Variants in ARHGAP31 observed in about 807,000 individuals in gnomAD.
ARHGAP31 encodes rho GTPase-activating protein 31.
In ARHGAP31, 34 loss-of-function variants were observed where a neutral mutation model predicts 113.9. That is an observed-to-expected ratio of 0.30 (90% CI 0.23 to 0.40). ARHGAP31 has a LOEUF of 0.40. Ranked by LOEUF, ARHGAP31 falls within the 10% of genes least tolerant of loss-of-function variation. The pLI is 1.00. For synonymous variants in ARHGAP31, 650 were observed against 684.8 expected (o/e 0.95, Z 0.79); for missense variants, 1,548 against 1,767.1 (o/e 0.88, Z 2.22).
chr3:119,348,458 G>T (rs1341955738), intron 1 of ARHGAP31, among the ~76,000 whole-genome samples: 1 of 152,104 alleles, frequency 6.6e-6, no homozygotes, highest in Non-Finnish European at 1.5e-5. Flanking sequence ...CCACATATTT[G>T]ACAGTAATCC....
chr3:119,372,923 C>G (rs975638045), intron 3 of ARHGAP31, among the ~76,000 whole-genome samples: 4 of 152,102 alleles, frequency 2.6e-5, no homozygotes, highest in Non-Finnish European at 5.9e-5. Flanking sequence ...AATTAAGGCT[C>G]AGGTATTAAA....
intron 1 of ARHGAP31, among the ~76,000 whole-genome samples, chr3:119,353,787 C>CA (rs5852199): frequency 0.091 from 7,990 of 88,094 alleles, 378 homozygotes; most frequent in South Asian, 0.12. Context: ...GACTCCATCT[C>CA]AAAAAAAAAA....
At chr3:119,295,140 C>A in intron 1 of ARHGAP31, 136 bp downstream of exon 1, 2 of 623,632 alleles carry the variant, frequency 3.2e-6, no homozygotes, top group Non-Finnish European at 5.4e-6. Flanking sequence ...ACTTTTTTTT[C>A]TTTTTTTTTT....
At chr3:119,305,504 C>T (rs371653646) in intron 1 of ARHGAP31, among the ~76,000 whole-genome samples, 5 of 152,196 alleles carry the variant, frequency 3.3e-5, no homozygotes, top group African/African-American at 1.2e-4. Flanking sequence ...ACCTCCCTGC[C>T]AGCCCCTCCC....
At chr3:119,366,150 G>T (rs2080251034) in intron 2 of ARHGAP31, among the ~76,000 whole-genome samples, 1 of 151,598 alleles carries the variant, frequency 6.6e-6, no homozygotes, top group South Asian at 2.1e-4. Context: ...TTAAACAATA[G>T]ATTTACATAT....
intron 8 of ARHGAP31, among the ~76,000 whole-genome samples, chr3:119,396,098 A>G (rs2080548641): frequency 6.6e-6 from 1 of 152,190 alleles, no homozygotes; most frequent in African/African-American, 2.4e-5. Context: ...CAAAACAACA[A>G]AAAGGAAATA....
At chr3:119,342,492 C>T (rs2080017103) in intron 1 of ARHGAP31, among the ~76,000 whole-genome samples, 2 of 152,198 alleles carry the variant, frequency 1.3e-5, no homozygotes, top group African/African-American at 4.8e-5. Flanking sequence ...CAACCAGAGG[C>T]TGTGATTTGA....
At chr3:119,388,678 G>A (rs572392711) in intron 6 of ARHGAP31, among the ~76,000 whole-genome samples, 2 of 152,258 alleles carry the variant, frequency 1.3e-5, no homozygotes, top group South Asian at 4.1e-4. Flanking sequence ...TTGCTTATAG[G>A]CTGTCTATGG....
chr3:119,377,306 G>A (rs151054018), intron 3 of ARHGAP31, among the ~76,000 whole-genome samples: 303 of 152,262 alleles, frequency 2.0e-3, no homozygotes, highest in African/African-American at 7.1e-3. Context: ...CTCTTGATAA[G>A]TACTATGAAG....
chr3:119,357,658 G>A (rs546436878), intron 1 of ARHGAP31, among the ~76,000 whole-genome samples: 2 of 152,340 alleles, frequency 1.3e-5, no homozygotes, highest in Admixed American at 6.5e-5. Flanking sequence ...GGGAAAATGA[G>A]AAGTACAGTA....
chr3:119,321,972 A>C, intron 1 of ARHGAP31, among the ~76,000 whole-genome samples: 1 of 152,346 alleles, frequency 6.6e-6, no homozygotes, highest in South Asian at 2.1e-4. Flanking sequence ...TTATCATATA[A>C]ATATGCCAGT....
chr3:119,410,009 C>T (rs759710825), intron 11 of ARHGAP31, among the ~76,000 whole-genome samples: 1 of 152,156 alleles, frequency 6.6e-6, no homozygotes, highest in Non-Finnish European at 1.5e-5. Context: ...CTAATACAGA[C>T]TCAACTCTAA....
chr3:119,307,958 A>AAAAAAAAAAAAAAAAAAAAAAAAAAC (rs2079645450), intron 1 of ARHGAP31, among the ~76,000 whole-genome samples: 3 of 150,264 alleles, frequency 2.0e-5, no homozygotes, highest in East Asian at 1.9e-4. Flanking sequence ...AAAAAAAAAA[A>AAAAAAAAAAAAAAAAAAAAAAAAAAC]AAGCTCAATC....
Position 119,404,057 on chromosome 3 carries a change from G to A in ARHGAP31, c.1645+1660G>A, listed in dbSNP as rs534515567. 1.4e-4 allele frequency among the ~76,000 whole-genome samples: 22 copies of A among 152,286 alleles called. No homozygotes were observed. In the South Asian group the frequency reaches 4.4e-3, roughly 30 times the overall value. ...GGTACGCAGATGAGCAAATCTCGGGGTATCAAGTGATGCCTTGTCTGGAAA... is the reference window on the plus strand; with the variant it reads ...GGTACGCAGATGAGCAAATCTCGGGATATCAAGTGATGCCTTGTCTGGAAA... On this transcript the variant is annotated intron_variant, in intron 10 of 11. Coordinates refer to ENST00000264245, the MANE Select transcript of ARHGAP31 (RefSeq NM_020754.4).
At chr3:119,387,299 C>T (rs1174078390) in intron 6 of ARHGAP31, among the ~76,000 whole-genome samples, 1 of 152,238 alleles carries the variant, frequency 6.6e-6, no homozygotes, top group East Asian at 1.9e-4. Flanking sequence ...GGTCACACCT[C>T]ACTATGTCCC....
intron 1 of ARHGAP31, among the ~76,000 whole-genome samples, chr3:119,358,553 C>G (rs2080178570): frequency 6.6e-6 from 1 of 152,152 alleles, no homozygotes; most frequent in South Asian, 2.1e-4. Flanking sequence ...CGTAAAGGTT[C>G]ATAGCAACAA....
chr3:119,397,678 AT>A (rs1230915164), intron 8 of ARHGAP31, among the ~76,000 whole-genome samples: 1 of 152,270 alleles, frequency 6.6e-6, no homozygotes, highest in Non-Finnish European at 1.5e-5. Context: ...CAAGGGGCTA[AT>A]TCAGAACCTC....
chr3:119,406,288 CA>C (rs570497325), intron 10 of ARHGAP31, among the ~76,000 whole-genome samples: 215 of 152,128 alleles, frequency 1.4e-3, no homozygotes, highest in African/African-American at 5.0e-3. Context: ...AGAAGCTCTA[CA>C]AAAAGGGACA....
intron 6 of ARHGAP31, among the ~76,000 whole-genome samples, 175 bp downstream of exon 6, chr3:119,383,401 T>C (rs1315952116): frequency 1.3e-5 from 2 of 152,186 alleles, no homozygotes; most frequent in African/African-American, 2.4e-5. Context: ...TCTGTAAATG[T>C]GGAGTGAAGC....
Sources: allele counts gnomAD v4.1 joint callset (sites outside exome capture counted in the v4.1 genomes callset), GRCh38; gene constraint gnomAD v4.1.1; transcripts MANE v1.5; gene names NCBI Gene and HGNC (gene_info 2026-07-23, HGNC 2026-07-21).